RXRA: variants seen among roughly 807,000 people sequenced by gnomAD.
The protein encoded by RXRA is retinoid X receptor alpha.
Under a neutral mutation model 44.5 loss-of-function variants are expected in RXRA, and 5 were observed. The ratio of observed to expected loss-of-function variants is 0.11; its 90% CI spans 0.06 to 0.24. RXRA has a LOEUF of 0.24. RXRA is among the 10% of genes least tolerant of loss of function. RXRA has a pLI of 1.00. For synonymous variants in RXRA, 291 were observed against 271.4 expected (o/e 1.07, Z -0.71); for missense variants, 412 against 646.5 (o/e 0.64, Z 3.93).
chr9:134,360,688 A>T lies in RXRA; in HGVS notation c.28+34029A>T, dbSNP rs1305894087. 4.6e-5 allele frequency among the ~76,000 whole-genome samples: 7 copies of T among 152,226 alleles called. No individual in the cohort carries two copies. In the East Asian group the frequency reaches 1.2e-3, roughly 25 times the overall value. ...CATGGTGGCCACAGGGCCTTCGTGT[A>T]TTGGGGGTGAATCCAGGACCTGGGA... On this transcript the variant is annotated intron_variant, in intron 1 of 9. Coordinates refer to ENST00000481739, the MANE Select transcript of RXRA (RefSeq NM_002957.6).
At chr9:134,428,375 G>T (rs1189528444) in intron 6 of RXRA, among the ~76,000 whole-genome samples, 1 of 128,042 alleles carries the variant, frequency 7.8e-6, no homozygotes, top group Non-Finnish European at 1.6e-5. Context: ...GCCCCCCAGG[G>T]AACCCCCACT....
rs192619249 is a variant in RXRA at position 134,369,524 on chromosome 9, G to T, written c.29-32108G>T. Among the ~76,000 whole-genome samples, 738 of 141,396 alleles carry T rather than the reference G, an allele frequency of 5.2e-3. 7 individuals are homozygous for T. The highest frequency in any genetic ancestry group is 0.017 in the African/African-American group (676 of 38,832). 92.8% of individuals were successfully genotyped at this position (141,396 alleles called of 152,430 possible). ...TGCGGGGGTTGTCTGCGTGTGTGTG[G>T]GGGGGTTATGTGTGTTGGAGATCGC... On this transcript the variant is annotated intron_variant, in intron 1 of 9. Transcript: ENST00000481739.
chr9:134,371,978 C>G (rs1830496855), intron 1 of RXRA: 1 of 152,222 alleles, frequency 6.6e-6, no homozygotes, highest in Non-Finnish European at 1.5e-5. Flanking sequence ...GGACTGGGTG[C>G]CAGGCCCAGC....
chr9:134,346,016 G>C (rs368251321), intron 1 of RXRA, among the ~76,000 whole-genome samples: 1 of 152,174 alleles, frequency 6.6e-6, no homozygotes. Flanking sequence ...TATAGGGACA[G>C]TTGAGAGTCG....
chr9:134,410,555 A>G (rs1831131423), intron 4 of RXRA, among the ~76,000 whole-genome samples: 1 of 152,222 alleles, frequency 6.6e-6, no homozygotes, highest in Admixed American at 6.5e-5. Flanking sequence ...TGGTGTGGGC[A>G]GGGAGGCTTG....
At chr9:134,376,543 A>G (rs1252825745) in intron 1 of RXRA, among the ~76,000 whole-genome samples, 2 of 152,276 alleles carry the variant, frequency 1.3e-5, no homozygotes, top group Admixed American at 6.5e-5. Context: ...CAGCCTGGCC[A>G]GCTGCGTGGC....
rs942124744 is a variant in RXRA at position 134,381,399 on chromosome 9, T to C, written c.29-20233T>C. 4.6e-5 allele frequency among the ~76,000 whole-genome samples: 7 copies of C among 152,054 alleles called. No homozygotes were observed. In the East Asian group the frequency reaches 1.4e-3, roughly 29 times the overall value. The stretch of plus-strand genomic sequence containing the variant: ...AGAGGGGCTCTCTCAGGGCCGTCTC[T>C]CAGGGCTGGGCCCTGTTGGATCTTC... On this transcript the variant is annotated intron_variant, in intron 1 of 9. Coordinates refer to ENST00000481739, the MANE Select transcript of RXRA (RefSeq NM_002957.6).
intron 1 of RXRA, among the ~76,000 whole-genome samples, chr9:134,340,644 C>T (rs746409647): frequency 2.7e-4 from 41 of 152,154 alleles, no homozygotes; most frequent in African/African-American, 8.7e-4. Context: ...CCTCGATGCA[C>T]GCCTCGGCCC....
chr9:134,385,194 T>C (rs1830701512), intron 1 of RXRA, among the ~76,000 whole-genome samples: 2 of 152,180 alleles, frequency 1.3e-5, no homozygotes, highest in Middle Eastern at 3.2e-3. Flanking sequence ...GGACCCCCAC[T>C]AGCATGCCAG....
chr9:134,370,342 C>A (rs1425805129), intron 1 of RXRA, among the ~76,000 whole-genome samples: 4 of 152,228 alleles, frequency 2.6e-5, no homozygotes, highest in African/African-American at 9.6e-5. Context: ...GCCGTGTCCA[C>A]TGCTGGGAGC....
chr9:134,403,924 C>T (rs949053559), intron 2 of RXRA: 1 of 152,286 alleles, frequency 6.6e-6, no homozygotes, highest in Non-Finnish European at 1.5e-5. Context: ...TGCCGTTGGG[C>T]TGTGGGTCTC....
At chr9:134,430,657 A>G (rs1196373696) in intron 7 of RXRA, among the ~76,000 whole-genome samples, 1 of 152,206 alleles carries the variant, frequency 6.6e-6, no homozygotes, top group Non-Finnish European at 1.5e-5. Flanking sequence ...CGGGGGCTGC[A>G]GGGTGCAGTG....
intron 5 of RXRA, among the ~76,000 whole-genome samples, chr9:134,418,428 C>T (rs1018197427): frequency 6.6e-5 from 10 of 152,122 alleles, no homozygotes; most frequent in South Asian, 2.1e-4. Flanking sequence ...CTGTGGCCAC[C>T]GAAGACCTTA....
chr9:134,408,446 C>G, intron 3 of RXRA, 147 bp downstream of exon 3: 1 of 803,266 alleles, frequency 1.2e-6, no homozygotes, highest in Non-Finnish European at 1.9e-6. Context: ...CCATGCCCCA[C>G]TCCCAGGGCT....
At chr9:134,381,598 C>T (rs1425911284) in intron 1 of RXRA, among the ~76,000 whole-genome samples, 3 of 152,096 alleles carry the variant, frequency 2.0e-5, no homozygotes, top group Admixed American at 6.5e-5. Context: ...GCCCGCCCTT[C>T]TCCCTCCTCC....
intron 5 of RXRA, among the ~76,000 whole-genome samples, chr9:134,420,585 T>C (rs1160733863): frequency 6.6e-6 from 1 of 152,254 alleles, no homozygotes; most frequent in Non-Finnish European, 1.5e-5. Flanking sequence ...GCGCTGCGTT[T>C]AGGCTGCACG....
At chr9:134,409,578 G>A (rs532132691) in intron 4 of RXRA, among the ~76,000 whole-genome samples, 8 of 152,200 alleles carry the variant, frequency 5.3e-5, no homozygotes, top group African/African-American at 1.9e-4. Context: ...GTGTCGGGGC[G>A]GTTTGCAGGG....
chr9:134,423,786 C>T (rs1342847694), intron 6 of RXRA: 1 of 985,360 alleles, frequency 1.0e-6, no homozygotes, highest in African/African-American at 1.7e-5. Flanking sequence ...CGGTTCAGAG[C>T]CCCTGGCTTT....
At chr9:134,329,023 C>G (rs1834960634) in intron 1 of RXRA, among the ~76,000 whole-genome samples, 1 of 152,248 alleles carries the variant, frequency 6.6e-6, no homozygotes, top group Non-Finnish European at 1.5e-5. Flanking sequence ...CGCTCCCACG[C>G]CTGCCGGGGA....
Sources: allele counts gnomAD v4.1 joint callset (sites outside exome capture counted in the v4.1 genomes callset), GRCh38; gene constraint gnomAD v4.1.1; transcripts MANE v1.5; gene names NCBI Gene and HGNC (gene_info 2026-07-23, HGNC 2026-07-21).